ADGRV1: variants seen among roughly 807,000 people sequenced by gnomAD.
The protein encoded by ADGRV1 is G-protein coupled receptor 98.
Under a neutral mutation model 596.2 loss-of-function variants are expected in ADGRV1, and 359 were observed. The observed-to-expected ratio is 0.60, with a 90% CI of 0.55 to 0.66. The LOEUF (loss-of-function observed/expected upper bound fraction) is 0.66, where lower values mean the gene tolerates loss of function less well. Among genes scored for constraint, ADGRV1 ranks in the 30% least tolerant of loss-of-function variants. The pLI is 0.00. For missense variants in ADGRV1, 7,274 were observed against 7,575.6 expected (o/e 0.96, Z 1.48); for synonymous variants, 2,681 against 2,679.2 (o/e 1.00, Z -0.02).
At chr5:90,600,850 C>T (rs1761308028) in intron 1 of ADGRV1, among the ~76,000 whole-genome samples, 1 of 151,876 alleles carries the variant, frequency 6.6e-6, no homozygotes. Flanking sequence ...ACATTGTGAA[C>T]AAAATTAAAT....
At chr5:90,759,849 C>A in intron 58 of ADGRV1, 1 of 388,308 alleles carries the variant, frequency 2.6e-6, no homozygotes. Flanking sequence ...CCTGTATTCC[C>A]AGATACTTGG....
At position 90,661,910 on chromosome 5, in the gene ADGRV1, A is replaced by T. The variant is rs1315542375; in HGVS notation, c.4752+3632A>T. ...TATTAATAATTACATACCGGAGTCT[A>T]GTATTTCTGAAAGTGTTGCCCTTGG... On this transcript the variant is annotated intron_variant, in intron 21 of 89. Coordinates refer to ENST00000405460, the MANE Select transcript of ADGRV1 (RefSeq NM_032119.4). Among the ~76,000 whole-genome samples the T allele has an allele frequency of 2.6e-5, 4 of 152,300 alleles. No homozygotes were observed. In the East Asian group the frequency reaches 7.7e-4, roughly 29 times the overall value.
chr5:91,151,157 A>C (rs1323065659), intron 88 of ADGRV1, among the ~76,000 whole-genome samples: 1 of 152,248 alleles, frequency 6.6e-6, no homozygotes, highest in Non-Finnish European at 1.5e-5. Flanking sequence ...AGAGATTGGT[A>C]GATAGATAAA....
intron 84 of ADGRV1, among the ~76,000 whole-genome samples, chr5:90,966,120 C>T (rs776530876): frequency 4.6e-5 from 7 of 151,980 alleles, no homozygotes; most frequent in South Asian, 2.1e-4. Flanking sequence ...AATTTCTGGC[C>T]GGGTATCTGG....
rs1767322056 is a variant in ADGRV1 at position 90,643,799 on chromosome 5, T to C, written c.2554-4T>C. 6.3e-7 allele frequency: 1 copy of C among 1,590,608 alleles called. No individual in the cohort carries two copies. Among genetic ancestry groups the C allele is most frequent in the Non-Finnish European group, 8.6e-7 (1 of 1,168,554 alleles). On this transcript the variant is annotated splice_polypyrimidine_tract_variant and splice_region_variant and intron_variant, in intron 13 of 89. Coordinates refer to ENST00000405460, the MANE Select transcript of ADGRV1 (RefSeq NM_032119.4). ...ATTTCCATACTTTGACACATTCACT[T>C]TAGTTGGATGAACACTACTGGGTGG...
chr5:90,904,009 C>T (rs1049069552), intron 83 of ADGRV1, among the ~76,000 whole-genome samples: 1 of 152,034 alleles, frequency 6.6e-6, no homozygotes, highest in African/African-American at 2.4e-5. Flanking sequence ...ATAGGGAGAA[C>T]ATGTGATCTT....
At chr5:90,575,836 A>G (rs1757131671) in intron 1 of ADGRV1, among the ~76,000 whole-genome samples, 2 of 152,106 alleles carry the variant, frequency 1.3e-5, no homozygotes, top group South Asian at 4.1e-4. Context: ...TAGGCACAGA[A>G]CACCATTCTC....
chr5:90,909,375 C>T (rs1045315514), intron 83 of ADGRV1, among the ~76,000 whole-genome samples: 8 of 152,074 alleles, frequency 5.3e-5, no homozygotes, highest in South Asian at 2.1e-4. Flanking sequence ...CTCTACCTTT[C>T]TTGTCTGCCC....
In ADGRV1 at chr5:90,716,911, C is replaced by T. The variant is rs550811272; in HGVS notation, c.9447+182C>T. 494 of 457,644 alleles carry T rather than the reference C, an allele frequency of 1.1e-3. 1 individual carries two copies. The highest frequency in any genetic ancestry group is 2.1e-3 in the Admixed American group (59 of 27,842). 28.3% of individuals were successfully genotyped at this position (457,644 alleles called of 1,614,324 possible). The stretch of plus-strand genomic sequence containing the variant: ...GTAGTTCTATTTACTCTGTATAAAG[C>T]GCAACTGGAAAAATTTACTATTAAT... On this transcript the variant is annotated intron_variant, in intron 43 of 89. Coordinates refer to ENST00000405460, the MANE Select transcript of ADGRV1 (RefSeq NM_032119.4).
rs967810918 is a variant in ADGRV1 at position 90,685,941 on chromosome 5, G to A, written c.6436G>A (p.Ala2146Thr). The A allele has an allele frequency of 3.7e-6, 6 of 1,607,334 alleles. No homozygotes were observed. Among genetic ancestry groups the A allele is most frequent in the Non-Finnish European group, 5.1e-6 (6 of 1,175,936 alleles). ...TATCAATGTGACTAGAACAGGAGGA[G>A]CATTTGCAGATGTCTCTGTGAAGTT... ...PIINVTRTGG[A>T]FADVSVKFKA... The change falls in exon 29 of 90, where the codon GCA (alanine) becomes ACA (threonine). Residue 2146 changes from alanine (A) to threonine (T), a missense_variant. Ala to Thr is a moderately conservative substitution (Grantham distance 58). This residue lies in a region of ADGRV1 where 3,643 missense variants were observed against 3,809.2 expected (regional missense o/e 0.96). Coordinates refer to ENST00000405460, the MANE Select transcript of ADGRV1 (RefSeq NM_032119.4).
chr5:90,863,780 C>T lies in ADGRV1; in HGVS notation c.17779C>T (p.His5927Tyr). ...ISGLCLAVLS[H>Y]IFCARYSMFA... is the part of the protein sequence containing the mutation. Reference sequence around the variant, plus strand: ...AGGTCTTTGCTTGGCTGTTCTTTCCCATATCTTCTGTGCCAGGTACTCCAT... The same window carrying T: ...AGGTCTTTGCTTGGCTGTTCTTTCCTATATCTTCTGTGCCAGGTACTCCAT... Residue 5927 changes from histidine (H) to tyrosine (Y), a missense_variant, in exon 83 of 90, where the codon CAT becomes TAT. This residue lies in a region of ADGRV1 where 1,874 missense variants were observed against 1,970.2 expected (regional missense o/e 0.95). Coordinates refer to ENST00000405460, the MANE Select transcript of ADGRV1 (RefSeq NM_032119.4). The T allele has an allele frequency of 6.2e-7, 1 of 1,613,350 alleles. No individual in the cohort carries two copies. Among genetic ancestry groups the T allele is most frequent in the Non-Finnish European group, 8.5e-7 (1 of 1,179,406 alleles).
At position 90,748,813 on chromosome 5, in the gene ADGRV1, G is replaced by GTTTTTTTTT. The variant is rs10700327; in HGVS notation, c.10975-1737_10975-1729dup. Among the ~76,000 whole-genome samples, 12 of 142,336 alleles carry GTTTTTTTTT rather than the reference G, an allele frequency of 8.4e-5. 1 individual carries two copies. The highest frequency in any genetic ancestry group is 2.5e-4 in the African/African-American group (9 of 36,722). The allele number at this position is 142,336 out of a possible 152,430, so 93.4% of individuals were successfully genotyped here. A position where few individuals can be genotyped will look rare whatever the true frequency, so the allele number is the denominator to read the frequency against. Reference sequence around the variant, plus strand: ...AATTGCCTAGTTTGTCTATCATCAAGTTTTTTTTTGTTTTTTTTTTAACTA... The same window carrying GTTTTTTTTT: ...AATTGCCTAGTTTGTCTATCATCAAGTTTTTTTTTTTTTTTTTTGTTTTTTTTTTAACTA... On this transcript the variant is annotated intron_variant, in intron 52 of 89. Coordinates refer to ENST00000405460, the MANE Select transcript of ADGRV1 (RefSeq NM_032119.4).
chr5:90,649,408 A>C (rs1245282765), intron 17 of ADGRV1, among the ~76,000 whole-genome samples: 1 of 152,186 alleles, frequency 6.6e-6, no homozygotes, highest in Non-Finnish European at 1.5e-5. Flanking sequence ...TTAAGCTGTC[A>C]TTAGGAAAAA....
At chr5:91,112,419 C>G (rs1792453616) in intron 87 of ADGRV1, among the ~76,000 whole-genome samples, 1 of 152,084 alleles carries the variant, frequency 6.6e-6, no homozygotes, top group African/African-American at 2.4e-5. Context: ...CATGCTTTTC[C>G]TGGGCTCTGT....
At chr5:91,055,030 T>G (rs1786711095) in intron 85 of ADGRV1, among the ~76,000 whole-genome samples, 1 of 152,220 alleles carries the variant, frequency 6.6e-6, no homozygotes, top group South Asian at 2.1e-4. Context: ...TTGAGTTACC[T>G]TGACAGAACC....
chr5:91,020,228 G>A (rs1485232862), intron 85 of ADGRV1, among the ~76,000 whole-genome samples: 3 of 151,868 alleles, frequency 2.0e-5, no homozygotes, highest in Non-Finnish European at 4.4e-5. Context: ...TTGTAAGCTG[G>A]CCTTGATCCC....
intron 70 of ADGRV1, among the ~76,000 whole-genome samples, chr5:90,796,758 A>G (rs1277457743): frequency 6.6e-6 from 1 of 152,240 alleles, no homozygotes; most frequent in Non-Finnish European, 1.5e-5. Context: ...AGCCCATCAG[A>G]CAAACAGCCG....
chr5:90,857,114 CTTCTTA>C (rs1417671164), intron 82 of ADGRV1, among the ~76,000 whole-genome samples: 3 of 151,968 alleles, frequency 2.0e-5, no homozygotes, highest in African/African-American at 7.2e-5. Context: ...AAGATAATAA[CTTCTTA>C]TTCTTAATAT....
intron 76 of ADGRV1, among the ~76,000 whole-genome samples, chr5:90,828,455 A>T (rs1317984719): frequency 6.6e-6 from 1 of 152,140 alleles, no homozygotes; most frequent in Non-Finnish European, 1.5e-5. Context: ...AGAAAACTTT[A>T]CATAAATATG....
Sources: gnomAD v4.1 joint callset for allele counts (sites outside exome capture counted in the v4.1 genomes callset) on GRCh38, gnomAD v4.1.1 for gene constraint, gnomAD v4.1.1 regional missense constraint, MANE v1.5 for transcripts, NCBI Gene and HGNC (gene_info 2026-07-23, HGNC 2026-07-21) for gene names.